SCHIP1: variants seen among roughly 807,000 people sequenced by gnomAD.
SCHIP1 encodes the protein schwannomin interacting protein 1.
Under a neutral mutation model 29.7 loss-of-function variants are expected in SCHIP1, and 8 were observed. The observed-to-expected ratio is 0.27, with a 90% CI of 0.16 to 0.49. The LOEUF (loss-of-function observed/expected upper bound fraction) is 0.49. SCHIP1 is among the 20% of genes least tolerant of loss of function. The probability of loss-of-function intolerance (pLI) is 0.99; values close to 1 mark genes in which losing one functional copy is unlikely to be tolerated. For synonymous variants in SCHIP1, 76 were observed against 94.9 expected, an observed-to-expected ratio of 0.80 and a Z score of 1.16; for missense variants, 193 against 294.6, an observed-to-expected ratio of 0.66 and a Z score of 2.52.
the SCHIP1 span, among the ~76,000 whole-genome samples, chr3:159,596,241 A>G: frequency 6.6e-6 from 1 of 152,228 alleles, no homozygotes; most frequent in African/African-American, 2.4e-5. Flanking sequence ...TATCAAAACC[A>G]CAATGAGATA....
chr3:159,511,629 AT>A, the SCHIP1 span, among the ~76,000 whole-genome samples: 27 of 152,322 alleles, frequency 1.8e-4, no homozygotes, highest in African/African-American at 6.3e-4. Context: ...AGCCATTATA[AT>A]TTTAACAGCG....
the SCHIP1 span, among the ~76,000 whole-genome samples, chr3:159,734,361 C>T: frequency 7.4e-3 from 1,126 of 151,840 alleles, 8 homozygotes; most frequent in Non-Finnish European, 0.013. Context: ...AGGCTGGTCT[C>T]GAACTCCTGT....
the SCHIP1 span, among the ~76,000 whole-genome samples, chr3:159,704,888 CTTTCTTTCTT>C: frequency 1.3e-5 from 1 of 76,992 alleles, no homozygotes; most frequent in Non-Finnish European, 2.2e-5. Context: ...TTCTTTCTTT[CTTTCTTTCTT>C]TCTTTCTTTA....
chr3:159,301,762 G>T, the SCHIP1 span, among the ~76,000 whole-genome samples: 1 of 152,104 alleles, frequency 6.6e-6, no homozygotes, highest in Non-Finnish European at 1.5e-5. Flanking sequence ...TAAGTTTTCT[G>T]GGGCCTCCCC....
chr3:159,620,445 G>T, the SCHIP1 span, among the ~76,000 whole-genome samples: 4 of 152,324 alleles, frequency 2.6e-5, no homozygotes, highest in East Asian at 1.9e-4. Flanking sequence ...GCTATGACAT[G>T]CATAAAGCCC....
chr3:159,787,690 A>T, the SCHIP1 span, among the ~76,000 whole-genome samples: 1 of 152,196 alleles, frequency 6.6e-6, no homozygotes, highest in Non-Finnish European at 1.5e-5. Flanking sequence ...AGGTAAATGG[A>T]GGGCAAATTC....
At chr3:159,508,487 A>C in the SCHIP1 span, among the ~76,000 whole-genome samples, 1 of 151,914 alleles carries the variant, frequency 6.6e-6, no homozygotes, top group Non-Finnish European at 1.5e-5. Context: ...CTCTGATCTT[A>C]GTTATTTCTT....
At chr3:159,626,289 T>TAGAC in the SCHIP1 span, among the ~76,000 whole-genome samples, 2 of 146,158 alleles carry the variant, frequency 1.4e-5, no homozygotes, top group Non-Finnish European at 3.0e-5. Flanking sequence ...GATAGATAGA[T>TAGAC]AGATAGATAG....
At chr3:159,336,717 A>AC in the SCHIP1 span, among the ~76,000 whole-genome samples, 8 of 152,064 alleles carry the variant, frequency 5.3e-5, no homozygotes, top group Middle Eastern at 3.2e-3. Context: ...CTGTTTTGGT[A>AC]CAGTACCGTG....
chr3:159,287,163 T>C, the SCHIP1 span, among the ~76,000 whole-genome samples: 1 of 152,160 alleles, frequency 6.6e-6, no homozygotes, highest in African/African-American at 2.4e-5. Flanking sequence ...TTCAGAATGA[T>C]ATCTCCTAGG....
chr3:159,615,162 G>A, the SCHIP1 span, among the ~76,000 whole-genome samples: 1 of 152,166 alleles, frequency 6.6e-6, no homozygotes, highest in Non-Finnish European at 1.5e-5. Context: ...GGTACAGAGG[G>A]ACAAATATCT....
At chr3:159,630,467 G>GTA in the SCHIP1 span, among the ~76,000 whole-genome samples, 10 of 151,850 alleles carry the variant, frequency 6.6e-5, no homozygotes, top group South Asian at 2.1e-4. Context: ...AGAAAATGTG[G>GTA]TATATATATA....
At chr3:159,574,874 A>T in the SCHIP1 span, among the ~76,000 whole-genome samples, 13 of 152,164 alleles carry the variant, frequency 8.5e-5, no homozygotes, top group Non-Finnish European at 4.4e-5. Context: ...AGACTTGCTC[A>T]GTGAACAAGG....
chr3:159,375,754 A>G, the SCHIP1 span: 1 of 886,254 alleles, frequency 1.1e-6, no homozygotes, highest in Admixed American at 6.2e-5. Context: ...ATAAATAAAT[A>G]AATAAACTGT....
the SCHIP1 span, among the ~76,000 whole-genome samples, chr3:159,776,972 G>A: frequency 1.3e-5 from 2 of 152,272 alleles, no homozygotes; most frequent in East Asian, 3.9e-4. Context: ...GTATGTCCCA[G>A]GGGTAAAGGG....
the SCHIP1 span, among the ~76,000 whole-genome samples, chr3:159,773,482 C>G: frequency 6.6e-6 from 1 of 152,094 alleles, no homozygotes; most frequent in South Asian, 2.1e-4. Flanking sequence ...ATGACCTGTG[C>G]CCCCACTTCA....
At chr3:159,484,375 C>T in the SCHIP1 span, among the ~76,000 whole-genome samples, 1 of 152,156 alleles carries the variant, frequency 6.6e-6, no homozygotes, top group Admixed American at 6.6e-5. Flanking sequence ...GTGATATTTT[C>T]AGGCAATCCG....
At chr3:159,743,337 T>C in the SCHIP1 span, among the ~76,000 whole-genome samples, 1 of 152,152 alleles carries the variant, frequency 6.6e-6, no homozygotes, top group Non-Finnish European at 1.5e-5. Context: ...TGTTCTTGAG[T>C]GGGTGAACAG....
chr3:159,404,463 C>T, the SCHIP1 span, among the ~76,000 whole-genome samples: 1 of 152,120 alleles, frequency 6.6e-6, no homozygotes. Flanking sequence ...CTGAAGAGCC[C>T]TGGGACCTTG....
Sources: gnomAD v4.1 joint callset for allele counts (sites outside exome capture counted in the v4.1 genomes callset) on GRCh38, gnomAD v4.1.1 for gene constraint, MANE v1.5 for transcripts, NCBI Gene and HGNC (gene_info 2026-07-23, HGNC 2026-07-21) for gene names.